The following FAM117B variants were observed in gnomAD, a reference collection of about 807,000 sequenced individuals.
FAM117B encodes protein FAM117B.
Under a neutral mutation model 52.8 loss-of-function variants are expected in FAM117B, and 22 were observed. That is an observed-to-expected ratio of 0.42 (90% CI 0.30 to 0.59). The LOEUF is 0.59. Among genes scored for constraint, FAM117B ranks in the 20% least tolerant of loss-of-function variants. FAM117B has a pLI of 0.22. For missense variants in FAM117B, 678 were observed against 802.6 expected, an observed-to-expected ratio of 0.84 and a Z score of 1.88; for synonymous variants, 309 against 324.1, an observed-to-expected ratio of 0.95 and a Z score of 0.50.
At chr2:202,693,340 G>A (rs575372464) in intron 1 of FAM117B, among the ~76,000 whole-genome samples, 8 of 152,286 alleles carry the variant, frequency 5.3e-5, no homozygotes, top group African/African-American at 1.9e-4. Flanking sequence ...CGGGTGTGGT[G>A]CCTCATGCCT....
Position 202,698,352 on chromosome 2 carries a change from T to C in FAM117B, c.753+2320T>C, listed in dbSNP as rs376449212. 6.6e-5 allele frequency among the ~76,000 whole-genome samples: 10 copies of C among 152,364 alleles called. 1 individual carries two copies. In the East Asian group the frequency reaches 1.2e-3, roughly 18 times the overall value. ...TTGGATTACCTTGGTGTTTATACTT[T>C]AGTGCAAACTACAGAAATGAAAATG... On this transcript the variant is annotated intron_variant, in intron 2 of 7. Coordinates refer to ENST00000392238, the MANE Select transcript of FAM117B (RefSeq NM_173511.4).
At chr2:202,727,630 A>G (rs2105788112) in intron 4 of FAM117B, among the ~76,000 whole-genome samples, 1 of 152,334 alleles carries the variant, frequency 6.6e-6, no homozygotes, top group Non-Finnish European at 1.5e-5. Context: ...TAAAATATAC[A>G]GGAGGATGTT....
Position 202,635,522 on chromosome 2 carries a change from A to T in FAM117B, c.335A>T (p.Gln112Leu). 8.9e-7 allele frequency: 1 copy of T among 1,126,490 alleles called. No individual in the cohort carries two copies. The highest frequency in any genetic ancestry group is 1.1e-6 in the Non-Finnish European group (1 of 923,640). The allele number at this position is 1,126,490 out of a possible 1,614,324, so 69.8% of individuals were successfully genotyped here. ...AARTSPTVAT[Q>L]TGASATSTRG... ...CGCACCAGCCCCACGGTGGCCACGCAGACGGGCGCGTCCGCGACGTCCACG... is the reference window on the plus strand; with the variant it reads ...CGCACCAGCCCCACGGTGGCCACGCTGACGGGCGCGTCCGCGACGTCCACG... The change falls in exon 1 of 8, where the codon CAG becomes CTG. Residue 112 changes from glutamine to leucine, a missense_variant. Physicochemically the swap from Gln to Leu is moderately radical, Grantham distance 113 (BLOSUM62 -2). Transcript: ENST00000392238.
chr2:202,686,126 T>C (rs567787987), intron 1 of FAM117B, among the ~76,000 whole-genome samples: 1 of 152,282 alleles, frequency 6.6e-6, no homozygotes, highest in East Asian at 1.9e-4. Flanking sequence ...ATCAGACATA[T>C]CACTGAAGAA....
intron 1 of FAM117B, among the ~76,000 whole-genome samples, chr2:202,695,555 G>A (rs1690697972): frequency 1.3e-5 from 2 of 152,094 alleles, no homozygotes; most frequent in South Asian, 4.1e-4. Flanking sequence ...TTTACTTAAT[G>A]GCCTCAAAGC....
chr2:202,741,199 A>G (rs1485683732), intron 4 of FAM117B, among the ~76,000 whole-genome samples: 1 of 152,064 alleles, frequency 6.6e-6, no homozygotes, highest in Non-Finnish European at 1.5e-5. Context: ...AGGCAGGCGG[A>G]TCACGAGGTC....
At chr2:202,717,971 C>T (rs555885991) in intron 2 of FAM117B, among the ~76,000 whole-genome samples, 1 of 151,798 alleles carries the variant, frequency 6.6e-6, no homozygotes, top group South Asian at 2.1e-4. Context: ...AGAAGTCTGC[C>T]TGGTGAGCTG....
chr2:202,735,001 TTTTTC>T (rs1253321523), intron 4 of FAM117B, among the ~76,000 whole-genome samples: 5 of 152,328 alleles, frequency 3.3e-5, no homozygotes, highest in East Asian at 1.9e-4. Flanking sequence ...GCTGACATTT[TTTTTC>T]TTTTAAGTGT....
At chr2:202,664,984 A>C (rs1211812969) in intron 1 of FAM117B, among the ~76,000 whole-genome samples, 1 of 152,098 alleles carries the variant, frequency 6.6e-6, no homozygotes, top group East Asian at 1.9e-4. Context: ...ATCAAGATCA[A>C]GCTGGGTTTG....
chr2:202,755,778 C>A (rs1271773531), intron 5 of FAM117B, 97 bp downstream of exon 5: 3 of 1,248,514 alleles, frequency 2.4e-6, no homozygotes, highest in Non-Finnish European at 3.2e-6. Flanking sequence ...TCTTCCTTCT[C>A]ATTGAGAGAG....
intron 1 of FAM117B, among the ~76,000 whole-genome samples, chr2:202,695,398 C>T (rs990588298): frequency 6.6e-6 from 1 of 152,028 alleles, no homozygotes; most frequent in Admixed American, 6.6e-5. Flanking sequence ...CTTGCTATCT[C>T]GCATCCCCCA....
At chr2:202,681,314 A>G (rs950080456) in intron 1 of FAM117B, among the ~76,000 whole-genome samples, 1 of 152,220 alleles carries the variant, frequency 6.6e-6, no homozygotes, top group Non-Finnish European at 1.5e-5. Flanking sequence ...GTATGACCAT[A>G]TAATATTAAA....
At chr2:202,732,335 G>A (rs1296842331) in intron 4 of FAM117B, among the ~76,000 whole-genome samples, 4 of 152,076 alleles carry the variant, frequency 2.6e-5, no homozygotes, top group Non-Finnish European at 4.4e-5. Context: ...GAAAATATAT[G>A]TCCACATAAA....
chr2:202,671,933 T>G (rs1690305695), intron 1 of FAM117B, among the ~76,000 whole-genome samples: 1 of 152,120 alleles, frequency 6.6e-6, no homozygotes, highest in Non-Finnish European at 1.5e-5. Context: ...CACTCCACAA[T>G]CTAAGAGTTT....
intron 7 of FAM117B, among the ~76,000 whole-genome samples, chr2:202,760,863 T>G (rs1335884700): frequency 6.6e-6 from 1 of 152,172 alleles, no homozygotes; most frequent in Non-Finnish European, 1.5e-5. Flanking sequence ...TAGGTTAAAA[T>G]CTGTTAGCCC....
chr2:202,750,257 T>G (rs895344973), intron 4 of FAM117B, among the ~76,000 whole-genome samples: 1 of 152,178 alleles, frequency 6.6e-6, no homozygotes, highest in Non-Finnish European at 1.5e-5. Context: ...ATGTTTGTAA[T>G]GTCAGCACTT....
intron 1 of FAM117B, among the ~76,000 whole-genome samples, chr2:202,691,530 G>A (rs534002136): frequency 1.1e-3 from 171 of 152,038 alleles, no homozygotes; most frequent in Non-Finnish European, 2.1e-3. Context: ...AGACCCATTA[G>A]TAAGGTCTGT....
intron 1 of FAM117B, among the ~76,000 whole-genome samples, chr2:202,680,415 A>G (rs1251799146): frequency 2.0e-5 from 3 of 152,100 alleles, no homozygotes; most frequent in Admixed American, 6.5e-5. Flanking sequence ...AACTTAAAGT[A>G]TAATTTAAAA....
chr2:202,669,173 A>AT (rs1030052322), intron 1 of FAM117B, among the ~76,000 whole-genome samples: 279 of 152,118 alleles, frequency 1.8e-3, no homozygotes, highest in African/African-American at 6.3e-3. Context: ...TTAGGGACAG[A>AT]TTTTTTTTAG....
Sources: allele counts gnomAD v4.1 joint callset (sites outside exome capture counted in the v4.1 genomes callset), GRCh38; gene constraint gnomAD v4.1.1; transcripts MANE v1.5; gene names NCBI Gene and HGNC (gene_info 2026-07-23, HGNC 2026-07-21).